UQCC1: variants seen among roughly 807,000 people sequenced by gnomAD.
UQCC1 encodes the protein bFGF-repressed Zic-binding protein.
A neutral mutation model predicts 48.0 loss-of-function variants in UQCC1; 38 were observed. The observed-to-expected ratio is 0.79, with a 90% CI of 0.61 to 1.04. The LOEUF (loss-of-function observed/expected upper bound fraction) is 1.04. Among genes scored for constraint, UQCC1 ranks in the 50% least tolerant of loss-of-function variants. The pLI, the probability that UQCC1 is intolerant of heterozygous loss-of-function variation, is 0.00. For missense variants in UQCC1, 368 were observed against 381.8 expected (o/e 0.96, Z 0.30); for synonymous variants, 111 against 129.2 (o/e 0.86, Z 0.95).
At chr20:35,399,732 C>A (rs1303883573) in intron 1 of UQCC1, among the ~76,000 whole-genome samples, 1 of 151,604 alleles carries the variant, frequency 6.6e-6, no homozygotes, top group East Asian at 2.0e-4. Flanking sequence ...TGGCAGGTGC[C>A]TGTAATCCCA....
chr20:35,401,629 C>T (rs2062166180), intron 1 of UQCC1, among the ~76,000 whole-genome samples: 2 of 147,992 alleles, frequency 1.4e-5, no homozygotes, highest in South Asian at 2.1e-4. Context: ...CTGTGAATAA[C>T]GAAAATCAAT....
chr20:35,386,168 G>A (rs1248971982), intron 2 of UQCC1: 1 of 345,296 alleles, frequency 2.9e-6, no homozygotes, highest in Non-Finnish European at 5.6e-6. Context: ...AAACCAAAGA[G>A]TTATTTTGTT....
intron 8 of UQCC1, among the ~76,000 whole-genome samples, chr20:35,314,092 G>C (rs186659141): frequency 3.4e-4 from 51 of 152,122 alleles, no homozygotes; most frequent in Non-Finnish European, 6.3e-4. Flanking sequence ...AGCCTCTAGA[G>C]TAGCTGGGAT....
At chr20:35,343,552 T>C (rs1401967169) in intron 7 of UQCC1, among the ~76,000 whole-genome samples, 2 of 152,220 alleles carry the variant, frequency 1.3e-5, no homozygotes, top group Admixed American at 6.5e-5. Context: ...TGTCTATTTA[T>C]GCCATGAGGT....
chr20:35,328,720 C>A (rs2061225063), intron 7 of UQCC1, among the ~76,000 whole-genome samples: 1 of 152,196 alleles, frequency 6.6e-6, no homozygotes, highest in Non-Finnish European at 1.5e-5. Flanking sequence ...GTCTCTGAAG[C>A]TTCTCTCAGG....
chr20:35,321,283 T>TGTGCGC (rs1389196330), intron 7 of UQCC1, among the ~76,000 whole-genome samples: 28 of 141,592 alleles, frequency 2.0e-4, no homozygotes, highest in South Asian at 6.5e-4. Flanking sequence ...TGTGTGTGTG[T>TGTGCGC]GCGCGCGCGC....
intron 5 of UQCC1, among the ~76,000 whole-genome samples, chr20:35,368,935 C>T (rs955358520): frequency 6.6e-6 from 1 of 152,200 alleles, no homozygotes; most frequent in Admixed American, 6.5e-5. Context: ...CCCTGAGAAA[C>T]TCTGAAGCCC....
chr20:35,314,747 T>G lies in UQCC1; in HGVS notation c.592A>C (p.Lys198Gln), dbSNP rs1380744346. The G allele has an allele frequency of 6.2e-7, 1 of 1,607,698 alleles. No individual in the cohort carries two copies. The highest frequency in any genetic ancestry group is 8.5e-7 in the Non-Finnish European group (1 of 1,175,200). Residue 198 changes from lysine (K) to glutamine (Q), a missense_variant, in exon 8 of 10, where the codon AAG (lysine) becomes CAG (glutamine). Transcript: ENST00000374385. ...RVMGVNPYIL[K>Q]KNMILMTNHF... is the part of the protein sequence containing the mutation. ...TTTGTCATGAGGATCATGTTCTTCTTCAGGATATAGGGATTAACCTACAGA... is the reference window on the plus strand; with the variant it reads ...TTTGTCATGAGGATCATGTTCTTCTGCAGGATATAGGGATTAACCTACAGA...
Position 35,389,568 on chromosome 20 carries a change from AAAAAGAAAAG to A in UQCC1, c.129+4514_129+4523del, listed in dbSNP as rs963444851. On this transcript the variant is annotated intron_variant, in intron 2 of 9. Transcript: ENST00000374385. The stretch of plus-strand genomic sequence containing the variant: ...AGAGAGTGAGACTCCGTCTCAAAAA[AAAAAGAAAAG>A]AAAAGAAAAGAAAATGAATTATAAC... Among the ~76,000 whole-genome samples the A allele has an allele frequency of 7.9e-5, 12 of 152,212 alleles. 1 individual carries two copies. The highest frequency in any genetic ancestry group is 3.9e-4 in the Admixed American group (6 of 15,276).
At chr20:35,350,078 T>C (rs912237831) in intron 6 of UQCC1, among the ~76,000 whole-genome samples, 2 of 152,054 alleles carry the variant, frequency 1.3e-5, no homozygotes, top group Non-Finnish European at 2.9e-5. Flanking sequence ...AAAGATATAA[T>C]CAACATTGAA....
Position 35,303,598 on chromosome 20 carries a change from C to T in UQCC1, c.*337G>A, listed in dbSNP as rs1011823118. 1 of 269,710 alleles carries T rather than the reference C, an allele frequency of 3.7e-6. No individual in the cohort carries two copies. The highest frequency in any genetic ancestry group is 2.1e-5 in the African/African-American group (1 of 46,942). 16.7% of individuals were successfully genotyped at this position (269,710 alleles called of 1,614,324 possible). ...GGCCCTGGGGGGTTTCCCTTTTGAA[C>T]CTACACCATCCCTTCCTTGGCCTTT... is the stretch of plus-strand genomic sequence containing the variant. On this transcript the variant is annotated 3_prime_UTR_variant, in exon 10 of 10. Transcript: ENST00000374385.
chr20:35,394,164 T>C lies in UQCC1; in HGVS notation c.57A>G (p.Pro19=), dbSNP rs149100983. Residue 19 remains proline, a synonymous_variant, in exon 2 of 10, where the codon CCA becomes CCG. Coordinates refer to ENST00000374385, the MANE Select transcript of UQCC1 (RefSeq NM_018244.5). ...ACACAGGTATCAATCGGCTGCATAC[T>C]GGAACCCACTGAGAAATGCTAGTCT... The part of the protein sequence containing the change: ...RNQTSISQWV[P]VCSRLIPVSP... 1.7e-4 allele frequency: 279 copies of C among 1,614,034 alleles called. No individual in the cohort carries two copies. The highest frequency in any genetic ancestry group is 2.2e-4 in the Non-Finnish European group (261 of 1,180,006).
intron 7 of UQCC1, among the ~76,000 whole-genome samples, chr20:35,325,672 C>T (rs562624458): frequency 6.6e-6 from 1 of 152,294 alleles, no homozygotes; most frequent in East Asian, 1.9e-4. Flanking sequence ...GTGGGAGACA[C>T]ACCTAGCACG....
chr20:35,309,597 A>G (rs74718711), intron 8 of UQCC1, among the ~76,000 whole-genome samples: 1,977 of 152,318 alleles, frequency 0.013, 35 homozygotes, highest in African/African-American at 0.045. Flanking sequence ...GGAACCAAAC[A>G]TGAGGGCACA....
intron 6 of UQCC1, among the ~76,000 whole-genome samples, chr20:35,356,956 GAC>G: frequency 6.6e-6 from 1 of 152,254 alleles, no homozygotes; most frequent in Middle Eastern, 3.4e-3. Flanking sequence ...ATTTAATAGA[GAC>G]ACGAAAAAAA....
chr20:35,355,045 A>G (rs2061530988), intron 6 of UQCC1, among the ~76,000 whole-genome samples: 1 of 152,134 alleles, frequency 6.6e-6, no homozygotes, highest in Non-Finnish European at 1.5e-5. Flanking sequence ...GACAATTTAG[A>G]CATGCTAATT....
rs41311300 is a variant in UQCC1, at chr20:35,366,442, T to G, written c.464+115A>C. 3.1e-3 allele frequency: 2,691 copies of G among 862,608 alleles called. 10 individuals carry two copies. Among genetic ancestry groups the G allele is most frequent in the Middle Eastern group, 4.0e-3 (17 of 4,222 alleles). 53.4% of individuals were successfully genotyped at this position (862,608 alleles called of 1,614,324 possible). A position where few individuals can be genotyped will look rare whatever the true frequency, so the allele number is the denominator to read the frequency against. On this transcript the variant is annotated intron_variant, in intron 6 of 9. Transcript: ENST00000374385. ...GTTATTAAAATGAAAGGAACAGTTT[T>G]TAACACCTGAACAACTGCCATTTCA...
intron 6 of UQCC1, among the ~76,000 whole-genome samples, chr20:35,365,418 G>A (rs1175116435): frequency 6.6e-6 from 1 of 152,132 alleles, no homozygotes; most frequent in Non-Finnish European, 1.5e-5. Flanking sequence ...ACTTTGGGAA[G>A]CCGAGGTAGG....
intron 7 of UQCC1, among the ~76,000 whole-genome samples, chr20:35,336,462 G>A (rs898321621): frequency 6.6e-6 from 1 of 152,122 alleles, no homozygotes; most frequent in Non-Finnish European, 1.5e-5. Flanking sequence ...AGAGAGAGGC[G>A]GAAGGAACTT....
Sources: gnomAD v4.1 joint callset for allele counts (sites outside exome capture counted in the v4.1 genomes callset) on GRCh38, gnomAD v4.1.1 for gene constraint, MANE v1.5 for transcripts, NCBI Gene and HGNC (gene_info 2026-07-23, HGNC 2026-07-21) for gene names.